SAMMSON: variants seen among roughly 807,000 people sequenced by gnomAD.
The protein encoded by SAMMSON is survival associated mitochondrial melanoma specific oncogenic non-coding RNA.
intron 3 of SAMMSON, among the ~76,000 whole-genome samples, chr3:70,033,962 T>C (rs2067075144): frequency 1.3e-5 from 2 of 152,240 alleles, no homozygotes; most frequent in South Asian, 4.2e-4. Flanking sequence ...ATATGTCCTC[T>C]GGAAGACTCC....
At chr3:70,101,635 C>T (rs2067346681) in intron 4 of SAMMSON, among the ~76,000 whole-genome samples, 1 of 152,110 alleles carries the variant, frequency 6.6e-6, no homozygotes, top group South Asian at 2.1e-4. Flanking sequence ...GCGTTATTTA[C>T]ACTACATGCT....
chr3:70,066,172 C>T (rs918127212), intron 3 of SAMMSON, among the ~76,000 whole-genome samples: 5 of 152,032 alleles, frequency 3.3e-5, no homozygotes, highest in South Asian at 4.1e-4. Context: ...CAACTGAAAA[C>T]CCTATATTAA....
chr3:70,190,899 A>G (rs904248393), intron 4 of SAMMSON, among the ~76,000 whole-genome samples: 7 of 152,144 alleles, frequency 4.6e-5, no homozygotes, highest in Non-Finnish European at 8.8e-5. Flanking sequence ...GGATCACAGC[A>G]ATGGCAGAGT....
chr3:70,306,417 C>T (rs953961048), intron 7 of SAMMSON, among the ~76,000 whole-genome samples: 31 of 152,122 alleles, frequency 2.0e-4, no homozygotes, highest in Admixed American at 6.5e-4. Context: ...GGCCAATAAT[C>T]GTTTTTATAT....
intron 6 of SAMMSON, among the ~76,000 whole-genome samples, chr3:70,257,025 T>C (rs1247779878): frequency 6.6e-6 from 1 of 152,168 alleles, no homozygotes; most frequent in Admixed American, 6.5e-5. Context: ...GAGAATATCA[T>C]AATAATTCAG....
intron 4 of SAMMSON, among the ~76,000 whole-genome samples, chr3:70,142,898 T>G (rs906315636): frequency 3.9e-5 from 6 of 152,072 alleles, no homozygotes; most frequent in African/African-American, 1.4e-4. Context: ...ATAATTCAAT[T>G]GCTTTAAGCA....
At chr3:70,145,339 T>C (rs2067544026) in intron 4 of SAMMSON, among the ~76,000 whole-genome samples, 1 of 152,086 alleles carries the variant, frequency 6.6e-6, no homozygotes, top group South Asian at 2.1e-4. Context: ...TGAACAACAC[T>C]ATCAACCAAC....
intron 9 of SAMMSON, among the ~76,000 whole-genome samples, chr3:70,387,301 A>G (rs752145424): frequency 7.9e-5 from 12 of 152,044 alleles, no homozygotes; most frequent in Non-Finnish European, 1.6e-4. Flanking sequence ...GATGGAAGAG[A>G]GTGCACAAAT....
chr3:70,136,059 T>C (rs2067504643), intron 4 of SAMMSON, among the ~76,000 whole-genome samples: 1 of 152,158 alleles, frequency 6.6e-6, no homozygotes, highest in Admixed American at 6.5e-5. Context: ...AATTGGAATA[T>C]TTTAATCAGA....
At chr3:70,221,804 C>A (rs1187389306) in intron 4 of SAMMSON, among the ~76,000 whole-genome samples, 3 of 152,054 alleles carry the variant, frequency 2.0e-5, no homozygotes, top group Non-Finnish European at 4.4e-5. Context: ...GGTGGTCTTG[C>A]CATTTACAGG....
At chr3:70,171,542 T>A (rs1700954117) in intron 4 of SAMMSON, among the ~76,000 whole-genome samples, 1 of 151,876 alleles carries the variant, frequency 6.6e-6, no homozygotes, top group Non-Finnish European at 1.5e-5. Context: ...AATCTGAGTA[T>A]AGTTTTGGCT....
intron 4 of SAMMSON, among the ~76,000 whole-genome samples, chr3:70,091,942 A>G (rs767823447): frequency 5.3e-5 from 8 of 152,310 alleles, no homozygotes; most frequent in South Asian, 4.1e-4. Flanking sequence ...CTTTCAGTTC[A>G]TACACGAAGT....
At chr3:70,151,108 A>AGGG (rs71126482) in intron 4 of SAMMSON, among the ~76,000 whole-genome samples, 1 of 151,132 alleles carries the variant, frequency 6.6e-6, no homozygotes, top group Non-Finnish European at 1.5e-5. Flanking sequence ...AATTTAATGG[A>AGGG]ACTGGTTAAA....
chr3:70,016,187 A>C (rs904049204), intron 3 of SAMMSON, among the ~76,000 whole-genome samples: 3 of 152,180 alleles, frequency 2.0e-5, no homozygotes, highest in East Asian at 1.9e-4. Flanking sequence ...CCAGCAGTGT[A>C]AAAGTGTTCC....
chr3:70,238,149 C>T (rs1271578484), intron 4 of SAMMSON, among the ~76,000 whole-genome samples: 1 of 151,932 alleles, frequency 6.6e-6, no homozygotes, highest in Non-Finnish European at 1.5e-5. Context: ...CTCCTAGCCA[C>T]AGCAGCTTGT....
chr3:70,086,475 G>A (rs2067286012), intron 4 of SAMMSON, among the ~76,000 whole-genome samples: 1 of 152,202 alleles, frequency 6.6e-6, no homozygotes, highest in African/African-American at 2.4e-5. Context: ...GTTGAGCTAG[G>A]ATAAAATCCA....
chr3:70,059,019 T>TTAAGTTCA (rs1227460815), intron 3 of SAMMSON, among the ~76,000 whole-genome samples: 4 of 152,016 alleles, frequency 2.6e-5, no homozygotes, highest in Non-Finnish European at 5.9e-5. Flanking sequence ...GTTGACCTGT[T>TTAAGTTCA]TAAGTTCATA....
intron 4 of SAMMSON, among the ~76,000 whole-genome samples, chr3:70,192,577 C>T (rs1395913451): frequency 1.3e-5 from 2 of 152,204 alleles, no homozygotes; most frequent in Non-Finnish European, 2.9e-5. Context: ...AACCCCTACT[C>T]TCTTGAAGGC....
intron 6 of SAMMSON, among the ~76,000 whole-genome samples, chr3:70,276,442 T>C (rs901150730): frequency 2.6e-5 from 4 of 152,216 alleles, no homozygotes; most frequent in Admixed American, 2.6e-4. Context: ...TCTTTGCATA[T>C]GCCTCTCATT....
Sources: gnomAD v4.1 joint callset for allele counts (sites outside exome capture counted in the v4.1 genomes callset) on GRCh38, gnomAD v4.1.1 for gene constraint, MANE v1.5 for transcripts, NCBI Gene and HGNC (gene_info 2026-07-23, HGNC 2026-07-21) for gene names.